LINGO2: variants seen among roughly 807,000 people sequenced by gnomAD.
The protein encoded by LINGO2 is leucine-rich repeat and immunoglobulin-like domain-containing nogo receptor-interacting protein 2.
A neutral mutation model predicts 30.6 loss-of-function variants in LINGO2; 14 were observed. The observed-to-expected ratio is 0.46, with a 90% CI of 0.30 to 0.72. The LOEUF (loss-of-function observed/expected upper bound fraction) is 0.72, where lower values mean the gene tolerates loss of function less well. Among genes scored for constraint, LINGO2 ranks in the 30% least tolerant of loss-of-function variants. The pLI is 0.07. For synonymous variants in LINGO2, 317 were observed against 288.5 expected, an observed-to-expected ratio of 1.10 and a Z score of -1.00; for missense variants, 729 against 751.7, an observed-to-expected ratio of 0.97 and a Z score of 0.35.
chr9:28,150,450 G>C (rs117530200), intron 4 of LINGO2, among the ~76,000 whole-genome samples: 1 of 152,196 alleles, frequency 6.6e-6, no homozygotes, highest in African/African-American at 2.4e-5. Flanking sequence ...CCGGCATGGC[G>C]GTTTGTGCCT....
intron 1 of LINGO2, among the ~76,000 whole-genome samples, chr9:28,489,297 G>A (rs1381626506): frequency 6.6e-6 from 1 of 152,032 alleles, no homozygotes; most frequent in African/African-American, 2.4e-5. Context: ...AGCCTTCCAA[G>A]TAGCTGGGAC....
the LINGO2 span, among the ~76,000 whole-genome samples, chr9:28,782,611 A>T: frequency 2.4e-4 from 36 of 152,372 alleles, no homozygotes; most frequent in Non-Finnish European, 4.1e-4. Flanking sequence ...GTAGAGAAGT[A>T]GTAAATTCTG....
chr9:28,772,215 A>T, the LINGO2 span, among the ~76,000 whole-genome samples: 1,331 of 152,332 alleles, frequency 8.7e-3, 21 homozygotes, highest in African/African-American at 0.03. Flanking sequence ...ATTGATTATT[A>T]TAAGTAAGTG....
At chr9:28,479,926 T>G (rs1587729994) in intron 1 of LINGO2, among the ~76,000 whole-genome samples, 2 of 95,588 alleles carry the variant, frequency 2.1e-5, no homozygotes, top group African/African-American at 5.2e-5. Context: ...TATATATATA[T>G]ATATATATAT....
the LINGO2 span, among the ~76,000 whole-genome samples, chr9:28,691,615 C>T: frequency 6.6e-6 from 1 of 152,160 alleles, no homozygotes; most frequent in Admixed American, 6.5e-5. Flanking sequence ...AGTACATCTA[C>T]ATATTAAAAA....
intron 3 of LINGO2, among the ~76,000 whole-genome samples, chr9:28,312,143 G>GTTTCCTT (rs1554703774): frequency 4.0e-5 from 2 of 50,088 alleles, no homozygotes; most frequent in Non-Finnish European, 1.2e-4. Flanking sequence ...TGTTTTAGAT[G>GTTTCCTT]TTTTCTTTTT....
intron 4 of LINGO2, among the ~76,000 whole-genome samples, chr9:28,162,255 C>T (rs1044525843): frequency 1.6e-4 from 25 of 152,230 alleles, no homozygotes; most frequent in East Asian, 7.7e-4. Flanking sequence ...ATTTCAGTCA[C>T]GAACTTGAAT....
chr9:28,244,359 C>T (rs1821920467), intron 4 of LINGO2, among the ~76,000 whole-genome samples: 1 of 151,982 alleles, frequency 6.6e-6, no homozygotes. Flanking sequence ...ACTAAATGCC[C>T]ACATCAGAAA....
At chr9:28,617,575 G>T (rs138475417) in intron 1 of LINGO2, among the ~76,000 whole-genome samples, 3 of 152,170 alleles carry the variant, frequency 2.0e-5, no homozygotes, top group Admixed American at 1.3e-4. Context: ...GATTACAGGC[G>T]TGAGCCACCG....
the LINGO2 span, among the ~76,000 whole-genome samples, chr9:29,058,294 T>A: frequency 6.6e-6 from 1 of 152,012 alleles, no homozygotes; most frequent in Non-Finnish European, 1.5e-5. Context: ...GAAAAAGACA[T>A]CTTAGGAAGT....
intron 1 of LINGO2, among the ~76,000 whole-genome samples, chr9:28,503,443 C>A: frequency 6.6e-6 from 1 of 151,942 alleles, no homozygotes; most frequent in Admixed American, 6.6e-5. Flanking sequence ...TATGATAACT[C>A]ATTTAGCATC....
At chr9:28,383,662 C>A (rs1234295147) in intron 2 of LINGO2, among the ~76,000 whole-genome samples, 2 of 151,980 alleles carry the variant, frequency 1.3e-5, no homozygotes, top group Admixed American at 6.6e-5. Context: ...TAAATTAATA[C>A]TGAATGTTGA....
intron 4 of LINGO2, among the ~76,000 whole-genome samples, chr9:28,103,982 A>G (rs1826494074): frequency 6.6e-6 from 1 of 152,082 alleles, no homozygotes. Flanking sequence ...GCAGATTTTT[A>G]TTAAAGGGTG....
At chr9:28,734,901 C>T in the LINGO2 span, among the ~76,000 whole-genome samples, 1 of 152,108 alleles carries the variant, frequency 6.6e-6, no homozygotes, top group African/African-American at 2.4e-5. Flanking sequence ...ACAGTATATG[C>T]TTCTTTTTTG....
the LINGO2 span, among the ~76,000 whole-genome samples, chr9:28,773,707 A>C: frequency 6.6e-6 from 1 of 152,108 alleles, no homozygotes; most frequent in African/African-American, 2.4e-5. Context: ...CTCAATGAAA[A>C]CTCATGGCAA....
chr9:28,099,677 A>G (rs1475767636), intron 4 of LINGO2, among the ~76,000 whole-genome samples: 2 of 152,196 alleles, frequency 1.3e-5, no homozygotes, highest in Admixed American at 1.3e-4. Flanking sequence ...TAAAAGGCAA[A>G]TATGATAATA....
chr9:28,013,753 C>T (rs1563912345), intron 4 of LINGO2, among the ~76,000 whole-genome samples: 1 of 152,078 alleles, frequency 6.6e-6, no homozygotes. Flanking sequence ...TTTTTCTATA[C>T]CCCTACTTTC....
At chr9:28,034,628 A>T (rs530439752) in intron 4 of LINGO2, among the ~76,000 whole-genome samples, 6 of 152,330 alleles carry the variant, frequency 3.9e-5, no homozygotes, top group Admixed American at 6.5e-5. Context: ...CTGAAAACTC[A>T]TTCCATTCTG....
At chr9:28,438,605 A>C (rs1354555466) in intron 2 of LINGO2, among the ~76,000 whole-genome samples, 1 of 152,114 alleles carries the variant, frequency 6.6e-6, no homozygotes, top group Non-Finnish European at 1.5e-5. Context: ...TTTCTAGCGT[A>C]AATTTCCTTT....
Sources: gnomAD v4.1 joint callset for allele counts (sites outside exome capture counted in the v4.1 genomes callset) on GRCh38, gnomAD v4.1.1 for gene constraint, MANE v1.5 for transcripts, NCBI Gene and HGNC (gene_info 2026-07-23, HGNC 2026-07-21) for gene names.